Variants in LINGO2 observed in about 807,000 individuals in gnomAD.
The protein encoded by LINGO2 is leucine-rich repeat and immunoglobulin-like domain-containing nogo receptor-interacting protein 2.
LINGO2 carries 14 observed loss-of-function variants against 30.6 expected under a neutral mutation model. The ratio of observed to expected loss-of-function variants is 0.46; its 90% CI spans 0.30 to 0.72. The LOEUF is 0.72. Ranked by LOEUF, LINGO2 falls within the 30% of genes least tolerant of loss-of-function variation. LINGO2 has a pLI of 0.07. For missense variants in LINGO2, 729 were observed against 751.7 expected, an observed-to-expected ratio of 0.97 and a Z score of 0.35; for synonymous variants, 317 against 288.5, an observed-to-expected ratio of 1.10 and a Z score of -1.00.
chr9:28,223,398 A>G (rs988265227), intron 4 of LINGO2, among the ~76,000 whole-genome samples: 2 of 152,154 alleles, frequency 1.3e-5, no homozygotes, highest in African/African-American at 2.4e-5. Context: ...CCTCTTTTAC[A>G]ATGGCCTAAA....
chr9:28,270,135 A>C (rs1587362107), intron 4 of LINGO2, among the ~76,000 whole-genome samples: 1 of 152,264 alleles, frequency 6.6e-6, no homozygotes, highest in Admixed American at 6.5e-5. Flanking sequence ...AGTTCGGCAA[A>C]GTGACAGAAA....
At position 28,050,902 on chromosome 9, in the gene LINGO2, G is replaced by A. The variant is rs1229271170; in HGVS notation, c.-86-38497C>T. On this transcript the variant is annotated intron_variant, in intron 4 of 5. Coordinates refer to ENST00000379992, the Ensembl canonical transcript of LINGO2. ...GAGTAATAAATACCATTAATCTACA[G>A]ATGAGTTTTTTCAAAATATTGAAAA... 3.3e-5 allele frequency among the ~76,000 whole-genome samples: 5 copies of A among 150,992 alleles called. No homozygotes were observed. In the East Asian group the frequency reaches 5.9e-4, roughly 18 times the overall value.
chr9:28,519,655 T>A (rs936498257), intron 1 of LINGO2, among the ~76,000 whole-genome samples: 5 of 152,152 alleles, frequency 3.3e-5, no homozygotes, highest in African/African-American at 4.8e-5. Flanking sequence ...AGATAAGAAA[T>A]GTTACCTGCA....
intron 1 of LINGO2, among the ~76,000 whole-genome samples, chr9:28,505,378 G>A (rs1820066936): frequency 6.6e-6 from 1 of 151,738 alleles, no homozygotes; most frequent in African/African-American, 2.4e-5. Flanking sequence ...ACATTTAAGG[G>A]GTTAGACAAA....
intron 4 of LINGO2, among the ~76,000 whole-genome samples, chr9:28,192,422 T>G (rs2133780328): frequency 6.6e-6 from 1 of 152,250 alleles, no homozygotes; most frequent in Non-Finnish European, 1.5e-5. Context: ...TCAGAATAAA[T>G]TTCAAATCAC....
the LINGO2 span, among the ~76,000 whole-genome samples, chr9:28,855,286 T>C: frequency 3.3e-5 from 5 of 152,000 alleles, no homozygotes; most frequent in East Asian, 3.9e-4. Context: ...GTCCTTAGGA[T>C]AGGATTTAGA....
At chr9:28,285,640 C>T (rs915568895) in intron 4 of LINGO2, among the ~76,000 whole-genome samples, 11 of 151,910 alleles carry the variant, frequency 7.2e-5, no homozygotes, top group Admixed American at 2.6e-4. Context: ...CTCCTGACCT[C>T]GTGATCTGCC....
In LINGO2 at chr9:28,632,851, A is replaced by T. The variant is rs7469013; in HGVS notation, c.-365+37349T>A. Among the ~76,000 whole-genome samples, 406 of 80,550 alleles carry T rather than the reference A, an allele frequency of 5.0e-3. 14 individuals carry two copies. The highest frequency in any genetic ancestry group is 0.025 in the African/African-American group (307 of 12,042). The allele number at this position is 80,550 out of a possible 152,430, so 52.8% of individuals were successfully genotyped here. On this transcript the variant is annotated intron_variant, in intron 1 of 5. Transcript: ENST00000379992. The stretch of plus-strand genomic sequence containing the variant: ...ATATTATATATATAAATCTATATAT[A>T]TTTTTTATATATATATATATATATA...
intron 4 of LINGO2, among the ~76,000 whole-genome samples, chr9:28,053,650 G>T (rs961379232): frequency 6.6e-6 from 1 of 152,016 alleles, no homozygotes; most frequent in African/African-American, 2.4e-5. Flanking sequence ...TGCAAATCAA[G>T]ATCACCTGGG....
the LINGO2 span, among the ~76,000 whole-genome samples, chr9:28,853,857 G>A: frequency 5.9e-5 from 9 of 151,848 alleles, no homozygotes; most frequent in Non-Finnish European, 7.4e-5. Flanking sequence ...TATAATTCAA[G>A]GTGAGATTTG....
At chr9:28,170,778 C>T (rs1235026186) in intron 4 of LINGO2, among the ~76,000 whole-genome samples, 4 of 152,204 alleles carry the variant, frequency 2.6e-5, no homozygotes, top group African/African-American at 4.8e-5. Context: ...CTTTTATCAT[C>T]GCATTTCCTT....
chr9:28,127,406 A>G (rs1430903002), intron 4 of LINGO2, among the ~76,000 whole-genome samples: 2 of 152,206 alleles, frequency 1.3e-5, no homozygotes, highest in African/African-American at 2.4e-5. Context: ...CCCTCCCAAT[A>G]CTGCATGAAG....
chr9:28,142,406 T>C (rs1158911729), intron 4 of LINGO2, among the ~76,000 whole-genome samples: 1 of 152,172 alleles, frequency 6.6e-6, no homozygotes, highest in Non-Finnish European at 1.5e-5. Context: ...GCAAGTTATG[T>C]AGCAATGGGT....
At chr9:28,007,674 A>G (rs938531156) in intron 5 of LINGO2, among the ~76,000 whole-genome samples, 7 of 152,140 alleles carry the variant, frequency 4.6e-5, no homozygotes, top group Non-Finnish European at 8.8e-5. Context: ...ATTCCATCAA[A>G]CTGACTCTCA....
At chr9:28,452,139 T>A (rs1345686677) in intron 2 of LINGO2, among the ~76,000 whole-genome samples, 3 of 151,802 alleles carry the variant, frequency 2.0e-5, no homozygotes, top group Admixed American at 2.0e-4. Flanking sequence ...ACTTTTTTAG[T>A]CTTTTCATTG....
chr9:28,175,220 C>T (rs889625487), intron 4 of LINGO2, among the ~76,000 whole-genome samples: 12 of 152,282 alleles, frequency 7.9e-5, no homozygotes, highest in Admixed American at 6.5e-4. Context: ...CAGTAGCTCA[C>T]CTGAGGCCAC....
chr9:28,694,952 G>GTT, the LINGO2 span, among the ~76,000 whole-genome samples: 94 of 133,418 alleles, frequency 7.0e-4, no homozygotes, highest in East Asian at 2.8e-3. Flanking sequence ...TATCCTGACT[G>GTT]TTTTTTTTTT....
At chr9:29,027,000 T>C in the LINGO2 span, among the ~76,000 whole-genome samples, 1 of 152,194 alleles carries the variant, frequency 6.6e-6, no homozygotes, top group African/African-American at 2.4e-5. Context: ...GTTTCAAGGA[T>C]ATGAATGCTC....
upstream of LINGO2, among the ~76,000 whole-genome samples, chr9:28,673,167 T>C (rs1431520676): frequency 6.6e-6 from 1 of 152,036 alleles, no homozygotes; most frequent in Non-Finnish European, 1.5e-5. Flanking sequence ...TGTGGGTTAA[T>C]AATAAAATAA....
Sources: gnomAD v4.1 joint callset for allele counts (sites outside exome capture counted in the v4.1 genomes callset) on GRCh38, gnomAD v4.1.1 for gene constraint, MANE v1.5 for transcripts, NCBI Gene and HGNC (gene_info 2026-07-23, HGNC 2026-07-21) for gene names.